Variants in ZNF804B observed in about 807,000 individuals in gnomAD.
The protein encoded by ZNF804B is zinc finger protein 804B, also known as zinc finger 804B.
In ZNF804B, 80 loss-of-function variants were observed where a neutral mutation model predicts 101.4. The ratio of observed to expected loss-of-function variants is 0.79; its 90% CI spans 0.66 to 0.95. The LOEUF (loss-of-function observed/expected upper bound fraction) is 0.95, where lower values mean the gene tolerates loss of function less well. Ranked by LOEUF, ZNF804B falls within the 40% of genes least tolerant of loss-of-function variation. The pLI, the probability that ZNF804B is intolerant of heterozygous loss-of-function variation, is 0.00. For missense variants in ZNF804B, 1,673 were observed against 1,561.9 expected, an observed-to-expected ratio of 1.07 and a Z score of -1.20; for synonymous variants, 622 against 558.8, an observed-to-expected ratio of 1.11 and a Z score of -1.59.
chr7:89,312,135 GGAGGT>G (rs1406167016), intron 2 of ZNF804B, among the ~76,000 whole-genome samples: 3 of 152,094 alleles, frequency 2.0e-5, no homozygotes, highest in Non-Finnish European at 4.4e-5. Context: ...CCTCAGCCAG[GGAGGT>G]GACTCTAGTC....
At chr7:89,288,658 A>C (rs1407697685) in intron 2 of ZNF804B, among the ~76,000 whole-genome samples, 2 of 152,214 alleles carry the variant, frequency 1.3e-5, no homozygotes, top group Non-Finnish European at 2.9e-5. Flanking sequence ...AATCCTTCAA[A>C]AATATTGTAA....
intron 1 of ZNF804B, among the ~76,000 whole-genome samples, chr7:89,092,580 T>C (rs1378706656): frequency 6.6e-6 from 1 of 151,844 alleles, no homozygotes; most frequent in African/African-American, 2.4e-5. Flanking sequence ...GCCCAGCTAA[T>C]TTGTGCATTT....
At chr7:88,813,243 C>T (rs1298795963) in intron 1 of ZNF804B, among the ~76,000 whole-genome samples, 1 of 151,646 alleles carries the variant, frequency 6.6e-6, no homozygotes, top group Non-Finnish European at 1.5e-5. Flanking sequence ...CTGGTTAACA[C>T]GGTGAAACCC....
At chr7:89,223,691 A>T (rs530604689) in intron 2 of ZNF804B, among the ~76,000 whole-genome samples, 1 of 151,638 alleles carries the variant, frequency 6.6e-6, no homozygotes, top group Non-Finnish European at 1.5e-5. Flanking sequence ...TCCAAAAAAA[A>T]AATTAAGATA....
intron 1 of ZNF804B, among the ~76,000 whole-genome samples, chr7:89,048,586 A>G (rs954431544): frequency 6.6e-6 from 1 of 151,930 alleles, no homozygotes; most frequent in African/African-American, 2.4e-5. Context: ...ATCATTAAAA[A>G]TAATAAAAAG....
intron 1 of ZNF804B, among the ~76,000 whole-genome samples, chr7:88,832,925 T>A (rs1791154508): frequency 6.6e-6 from 1 of 151,978 alleles, no homozygotes; most frequent in South Asian, 2.1e-4. Context: ...TGTAGCCATT[T>A]CTTGCACTAT....
chr7:88,850,794 A>G (rs1791441026), intron 1 of ZNF804B, among the ~76,000 whole-genome samples: 1 of 151,912 alleles, frequency 6.6e-6, no homozygotes, highest in African/African-American at 2.4e-5. Context: ...AGCAAGACAA[A>G]CAAACAAAAA....
rs62462051 is a variant in ZNF804B, at chr7:88,834,056, C to T, written c.108+73972C>T. On this transcript the variant is annotated intron_variant, in intron 1 of 3. Coordinates refer to ENST00000333190, the MANE Select transcript of ZNF804B (RefSeq NM_181646.5). ...AATTTAAATGCATTCTAGTGAACTC[C>T]AAGCAGATTAGCCTGTATTTGAAAT... Among the ~76,000 whole-genome samples, 480 of 151,740 alleles carry T rather than the reference C, an allele frequency of 3.2e-3. 1 individual carries two copies. Among genetic ancestry groups the T allele is most frequent in the Middle Eastern group, 0.01 (3 of 294 alleles).
Position 89,336,946 on chromosome 7 carries a change from G to A in ZNF804B, c.3964G>A (p.Asp1322Asn), listed in dbSNP as rs768878780. The A allele has an allele frequency of 6.2e-7, 1 of 1,614,048 alleles. No homozygotes were observed. ...PLIQPVFQGQ[D>N]FCHHSCSSQM... ...AATCCAACCAGTATTCCAAGGTCAA[G>A]ATTTTTGCCATCATTCTTGCTCTAG... is the stretch of plus-strand genomic sequence containing the variant. Residue 1322 changes from aspartate to asparagine, a missense_variant, in exon 4 of 4, where the codon GAT becomes AAT. Physicochemically the swap from Asp to Asn is conservative, Grantham distance 23. Transcript: ENST00000333190.
intron 1 of ZNF804B, among the ~76,000 whole-genome samples, chr7:89,103,375 A>G (rs1377601798): frequency 6.6e-6 from 1 of 151,458 alleles, no homozygotes; most frequent in Non-Finnish European, 1.5e-5. Flanking sequence ...GTATTTTTCC[A>G]TTTATTTGTG....
intron 1 of ZNF804B, among the ~76,000 whole-genome samples, chr7:88,944,165 G>A (rs558821430): frequency 3.0e-4 from 46 of 151,682 alleles, no homozygotes; most frequent in South Asian, 2.1e-4. Flanking sequence ...ACATTGTACT[G>A]GTATCTCAGA....
intron 1 of ZNF804B, among the ~76,000 whole-genome samples, chr7:88,959,193 A>T (rs1306019230): frequency 6.6e-6 from 1 of 151,370 alleles, no homozygotes; most frequent in Non-Finnish European, 1.5e-5. Flanking sequence ...GTTATGTAGT[A>T]CACATTTCTT....
At chr7:88,787,658 G>A (rs141239851) in intron 1 of ZNF804B, among the ~76,000 whole-genome samples, 18 of 152,224 alleles carry the variant, frequency 1.2e-4, no homozygotes, top group Admixed American at 4.6e-4. Flanking sequence ...ATAACTAATC[G>A]TAAAATACAG....
rs73393422 is a variant in ZNF804B, at chr7:88,803,085, T to C, written c.108+43001T>C. Among the ~76,000 whole-genome samples, 358 of 152,276 alleles carry C rather than the reference T, an allele frequency of 2.4e-3. 2 individuals are homozygous for C. Among genetic ancestry groups the C allele is most frequent in the African/African-American group, 8.5e-3 (354 of 41,564 alleles). On this transcript the variant is annotated intron_variant, in intron 1 of 3. Coordinates refer to ENST00000333190, the MANE Select transcript of ZNF804B (RefSeq NM_181646.5). ...GAGAGAAATCTAGCCATGTTTTAAC[T>C]GGTAGAATTTCGGACGGATATTTGT... is the stretch of plus-strand genomic sequence containing the variant.
In ZNF804B at chr7:88,967,453, C is replaced by T. The variant is rs538136261; in HGVS notation, c.108+207369C>T. Reference sequence around the variant, plus strand: ...TCCCCCAACACTGGGAATTACACTTCGATGTGAGATTTGGGTGGGGACACA... The same window carrying T: ...TCCCCCAACACTGGGAATTACACTTTGATGTGAGATTTGGGTGGGGACACA... On this transcript the variant is annotated intron_variant, in intron 1 of 3. Coordinates refer to ENST00000333190, the MANE Select transcript of ZNF804B (RefSeq NM_181646.5). Among the ~76,000 whole-genome samples the T allele has an allele frequency of 5.1e-3, 776 of 151,556 alleles. 5 individuals carry two copies. The highest frequency in any genetic ancestry group is 0.02 in the Middle Eastern group (6 of 294).
At chr7:88,920,979 T>C (rs956043785) in intron 1 of ZNF804B, among the ~76,000 whole-genome samples, 7 of 152,078 alleles carry the variant, frequency 4.6e-5, no homozygotes, top group Non-Finnish European at 1.0e-4. Flanking sequence ...TGTGATATCA[T>C]GGAAAAGATC....
chr7:89,076,857 T>C (rs574729898), intron 1 of ZNF804B, among the ~76,000 whole-genome samples: 50 of 152,230 alleles, frequency 3.3e-4, no homozygotes, highest in African/African-American at 1.2e-3. Context: ...AGAGAGTCCC[T>C]GGGAATAGGA....
intron 1 of ZNF804B, among the ~76,000 whole-genome samples, chr7:88,982,565 G>A (rs1439097873): frequency 1.3e-5 from 2 of 151,988 alleles, no homozygotes; most frequent in Non-Finnish European, 2.9e-5. Context: ...TTGTCCCCAG[G>A]TCTGTATTGA....
intron 1 of ZNF804B, among the ~76,000 whole-genome samples, chr7:89,207,877 C>T (rs1213772867): frequency 2.6e-5 from 4 of 152,068 alleles, no homozygotes; most frequent in Admixed American, 1.3e-4. Context: ...TTGCTTCAAG[C>T]GTTTTCCCGA....
Sources: allele counts gnomAD v4.1 joint callset (sites outside exome capture counted in the v4.1 genomes callset), GRCh38; gene constraint gnomAD v4.1.1; transcripts MANE v1.5; gene names NCBI Gene and HGNC (gene_info 2026-07-23, HGNC 2026-07-21).